Variants in ZC3H12B observed in about 807,000 individuals in gnomAD.
The protein encoded by ZC3H12B is probable ribonuclease ZC3H12B.
Under a neutral mutation model 43.9 loss-of-function variants are expected in ZC3H12B, and 7 were observed. The ratio of observed to expected loss-of-function variants is 0.16; its 90% confidence interval spans 0.09 to 0.30. The LOEUF (loss-of-function observed/expected upper bound fraction) is 0.30, where lower values mean the gene tolerates loss of function less well. Among genes scored for constraint, ZC3H12B ranks in the 10% least tolerant of loss-of-function variants. ZC3H12B has a pLI of 1.00. For synonymous variants in ZC3H12B, 222 were observed against 241.7 expected (o/e 0.92, Z 0.76); for missense variants, 475 against 670.2 (o/e 0.71, Z 3.22).
chrX:65,282,423 C>G, the ZC3H12B span, among the ~76,000 whole-genome samples: 8 of 111,729 alleles, frequency 7.2e-5, no homozygotes, highest in African/African-American at 2.3e-4. Flanking sequence ...GAAGTCCTAG[C>G]CAGAGCAATA....
At chrX:65,190,038 C>T in the ZC3H12B span, among the ~76,000 whole-genome samples, 2 of 111,531 alleles carry the variant, frequency 1.8e-5, no homozygotes, top group Non-Finnish European at 3.8e-5. Flanking sequence ...TCCCCAGCAC[C>T]ATTTATTAAA....
the ZC3H12B span, among the ~76,000 whole-genome samples, chrX:65,077,643 A>T: frequency 3.6e-5 from 4 of 112,416 alleles, no homozygotes; most frequent in Non-Finnish European, 5.6e-5. Flanking sequence ...CCTTGGCTGT[A>T]GAACAGGAGT....
At chrX:65,346,964 C>A in the ZC3H12B span, among the ~76,000 whole-genome samples, 1 of 112,279 alleles carries the variant, frequency 8.9e-6, no homozygotes, top group Admixed American at 9.4e-5. Flanking sequence ...AAGGGTCAGA[C>A]TGCCTCCTCA....
the ZC3H12B span, among the ~76,000 whole-genome samples, chrX:65,267,199 CTTTT>C: frequency 1.1e-5 from 1 of 90,390 alleles, no homozygotes; most frequent in Non-Finnish European, 2.2e-5. Flanking sequence ...TTCTTTCTTT[CTTTT>C]TTTTTTTTTT....
chrX:65,120,134 T>TG, the ZC3H12B span, among the ~76,000 whole-genome samples: 2 of 112,086 alleles, frequency 1.8e-5, no homozygotes, highest in African/African-American at 6.5e-5. Flanking sequence ...GTGCAGGCTC[T>TG]TTTTTGATTC....
chrX:65,127,123 G>A, the ZC3H12B span, among the ~76,000 whole-genome samples: 2 of 111,044 alleles, frequency 1.8e-5, no homozygotes, highest in Non-Finnish European at 3.8e-5. Flanking sequence ...TTCTGATTTG[G>A]GTAGACTATG....
At position 65,390,878 on chromosome X, in the gene ZC3H12B, C is replaced by G. The variant is rs964406429; in HGVS notation, n.296-7715C>G. On this transcript the variant is annotated intron_variant and non_coding_transcript_variant, in intron 2 of 5. Coordinates refer to the ZC3H12B transcript ENST00000617377. The stretch of plus-strand genomic sequence containing the variant: ...AAATAGAAATAATATCAAGCATCTT[C>G]TCTGGCAAAACAGAATAAAACTAGG... 2.7e-5 allele frequency among the ~76,000 whole-genome samples: 3 copies of G among 111,944 alleles called. 1 individual carries two copies. The South Asian group carries it at 1.1e-3, about 42-fold the overall frequency.
chrX:65,145,782 G>T, the ZC3H12B span, among the ~76,000 whole-genome samples: 15 of 111,611 alleles, frequency 1.3e-4, no homozygotes, highest in Non-Finnish European at 2.8e-4. Context: ...GCTGATAATT[G>T]TTTTGCTTGA....
the ZC3H12B span, among the ~76,000 whole-genome samples, chrX:65,163,209 G>A: frequency 9.0e-6 from 1 of 111,438 alleles, no homozygotes; most frequent in Non-Finnish European, 1.9e-5. Context: ...GGTTGCTCGG[G>A]GGTCAGGGGT....
chrX:65,167,649 A>G, the ZC3H12B span, among the ~76,000 whole-genome samples: 1 of 112,068 alleles, frequency 8.9e-6, no homozygotes, highest in East Asian at 2.8e-4. Context: ...GGCTGTTTTC[A>G]TGATATTGAT....
chrX:65,152,181 A>G, the ZC3H12B span, among the ~76,000 whole-genome samples: 1 of 111,781 alleles, frequency 8.9e-6, no homozygotes, highest in East Asian at 2.8e-4. Context: ...CAAGACAGGG[A>G]TGCCCTCTCT....
intron 3 of ZC3H12B, among the ~76,000 whole-genome samples, chrX:65,441,788 A>G (rs982706811): frequency 4.5e-5 from 5 of 111,264 alleles, no homozygotes; most frequent in Non-Finnish European, 9.4e-5. Flanking sequence ...TTTGTGCAGC[A>G]TAAGTCTACT....
chrX:65,484,701 ACT>A (rs1319259747), upstream of ZC3H12B, among the ~76,000 whole-genome samples: 1 of 112,219 alleles, frequency 8.9e-6, no homozygotes, highest in Non-Finnish European at 1.9e-5. Flanking sequence ...CTGCTGGGTA[ACT>A]CTGTTCTATG....
chrX:65,330,648 A>T, the ZC3H12B span, among the ~76,000 whole-genome samples: 1 of 111,744 alleles, frequency 8.9e-6, no homozygotes, highest in Non-Finnish European at 1.9e-5. Flanking sequence ...CCTTTTCTGC[A>T]TCTATTGAGA....
chrX:65,401,958 T>C (rs776431217), intron 3 of ZC3H12B, among the ~76,000 whole-genome samples: 1 of 112,005 alleles, frequency 8.9e-6, no homozygotes, highest in South Asian at 3.8e-4. Context: ...CTGAAATTGC[T>C]GGCTTCAGAT....
intron 3 of ZC3H12B, among the ~76,000 whole-genome samples, chrX:65,414,317 G>A (rs2066936376): frequency 9.1e-6 from 1 of 110,473 alleles, no homozygotes; most frequent in Admixed American, 9.7e-5. Context: ...TTCTTCTTTA[G>A]ATGTTTGTTA....
chrX:65,142,966 T>C, the ZC3H12B span, among the ~76,000 whole-genome samples: 1 of 112,078 alleles, frequency 8.9e-6, no homozygotes, highest in African/African-American at 3.2e-5. Flanking sequence ...TTACTTAGTC[T>C]TGCTTTGACT....
At chrX:65,405,552 G>A (rs1328641684) in intron 3 of ZC3H12B, among the ~76,000 whole-genome samples, 2 of 111,067 alleles carry the variant, frequency 1.8e-5, no homozygotes, top group East Asian at 2.8e-4. Flanking sequence ...CCCAGGAGGC[G>A]GAGGCTGCCG....
chrX:65,296,986 T>C, the ZC3H12B span, among the ~76,000 whole-genome samples: 3 of 111,397 alleles, frequency 2.7e-5, no homozygotes, highest in African/African-American at 9.8e-5. Flanking sequence ...TGACATCATA[T>C]AAGGGACATA....
Sources: gnomAD v4.1 joint callset for allele counts (sites outside exome capture counted in the v4.1 genomes callset) on GRCh38, gnomAD v4.1.1 for gene constraint, MANE v1.5 for transcripts, NCBI Gene and HGNC (gene_info 2026-07-23, HGNC 2026-07-21) for gene names.